The following ACTR3 variants were observed in gnomAD, a reference collection of about 807,000 sequenced individuals.
ACTR3 encodes the protein actin-related protein 3.
ACTR3 carries 12 observed loss-of-function variants against 56.8 expected under a neutral mutation model. The observed-to-expected ratio is 0.21, with a 90% confidence interval of 0.14 to 0.34. The LOEUF is 0.34. Ranked by LOEUF, ACTR3 falls within the 10% of genes least tolerant of loss-of-function variation. The probability of loss-of-function intolerance (pLI) is 1.00; values close to 1 mark genes in which losing one functional copy is unlikely to be tolerated. For missense variants in ACTR3, 282 were observed against 512.5 expected (o/e 0.55, Z 4.34); for synonymous variants, 162 against 167.4 (o/e 0.97, Z 0.25).
At chr2:113,955,969 A>G (rs1406716939) in intron 11 of ACTR3, among the ~76,000 whole-genome samples, 7 of 151,518 alleles carry the variant, frequency 4.6e-5, no homozygotes, top group African/African-American at 1.7e-4. Context: ...TTACTCTTGA[A>G]CTCCTGACCT....
intron 8 of ACTR3, among the ~76,000 whole-genome samples, chr2:113,943,075 T>C (rs184659215): frequency 2.6e-5 from 4 of 152,350 alleles, no homozygotes; most frequent in Admixed American, 2.0e-4. Context: ...TTTATCTTGC[T>C]CTTACTGAGC....
chr2:113,940,924 G>T (rs1324503067), intron 7 of ACTR3, among the ~76,000 whole-genome samples: 1 of 151,226 alleles, frequency 6.6e-6, no homozygotes, highest in Non-Finnish European at 1.5e-5. Context: ...GGGCTCACGT[G>T]ATCCTCCCGC....
At chr2:113,925,578 G>A (rs1679605127) in intron 3 of ACTR3, among the ~76,000 whole-genome samples, 3 of 152,150 alleles carry the variant, frequency 2.0e-5, no homozygotes, top group African/African-American at 7.2e-5. Context: ...TTTGTATGCT[G>A]GATGTCTGTG....
chr2:113,892,738 A>G (rs1378748709), intron 1 of ACTR3, among the ~76,000 whole-genome samples: 1 of 152,212 alleles, frequency 6.6e-6, no homozygotes, highest in Non-Finnish European at 1.5e-5. Context: ...AGGTCTCTAA[A>G]TTACAATTAC....
chr2:113,892,604 C>T (rs1437950991), intron 1 of ACTR3, among the ~76,000 whole-genome samples: 1 of 152,192 alleles, frequency 6.6e-6, no homozygotes, highest in East Asian at 1.9e-4. Context: ...CTGAGATAAA[C>T]ATCTCTAAGT....
chr2:113,957,495 G>T lies in ACTR3; in HGVS notation c.*40G>T. ...TTATTGGGGTTAGGGAGGTGGGGAA[G>T]AGATAATCTTTCTGATTACCTGTTT... On this transcript the variant is annotated 3_prime_UTR_variant, in exon 12 of 12. Coordinates refer to ENST00000263238, the MANE Select transcript of ACTR3 (RefSeq NM_005721.5). 1 of 1,531,428 alleles carries T rather than the reference G, an allele frequency of 6.5e-7. No homozygotes were observed. The allele number at this position is 1,531,428 out of a possible 1,614,324, so 94.9% of individuals were successfully genotyped here. A position where few individuals can be genotyped will look rare whatever the true frequency, so the allele number is the denominator to read the frequency against.
intron 1 of ACTR3, among the ~76,000 whole-genome samples, chr2:113,911,956 C>G (rs1226347217): frequency 1.3e-5 from 2 of 152,032 alleles, no homozygotes; most frequent in Non-Finnish European, 2.9e-5. Flanking sequence ...AGGCTGGTCT[C>G]GAACTCCTGT....
At chr2:113,926,349 C>T (rs753503696) in intron 3 of ACTR3, among the ~76,000 whole-genome samples, 15 of 152,318 alleles carry the variant, frequency 9.8e-5, no homozygotes, top group Non-Finnish European at 1.9e-4. Context: ...TTGAGTAACA[C>T]TATATTTCCC....
At chr2:113,907,141 TA>T (rs770376637) in intron 1 of ACTR3, among the ~76,000 whole-genome samples, 34 of 152,332 alleles carry the variant, frequency 2.2e-4, no homozygotes, top group South Asian at 8.3e-4. Flanking sequence ...AACTTATTTT[TA>T]AAGCTTATTA....
intron 1 of ACTR3, among the ~76,000 whole-genome samples, chr2:113,902,129 T>C (rs2104583976): frequency 6.6e-6 from 1 of 152,286 alleles, no homozygotes; most frequent in African/African-American, 2.4e-5. Context: ...TTGATGACTG[T>C]CCCCAAATCC....
At position 113,933,203 on chromosome 2, in the gene ACTR3, TGTTACCTTAAAAAAATTTGA is replaced by T. The variant is rs2104610979; in HGVS notation, c.433-1075_433-1056del. ...TGTATGTCATATAGTCCTAAACACA[TGTTACCTTAAAAAAATTTGA>T]AGGTAGGCCTGGCACAGTGGCTCAT... On this transcript the variant is annotated intron_variant, in intron 5 of 11. Transcript: ENST00000263238. Among the ~76,000 whole-genome samples, 2 of 152,210 alleles carry T rather than the reference TGTTACCTTAAAAAAATTTGA, an allele frequency of 1.3e-5. 1 individual carries two copies. Among genetic ancestry groups the T allele is most frequent in the South Asian group, 4.1e-4 (2 of 4,830 alleles).
intron 1 of ACTR3, among the ~76,000 whole-genome samples, chr2:113,893,515 A>G (rs918928256): frequency 1.3e-5 from 2 of 152,088 alleles, no homozygotes; most frequent in African/African-American, 2.4e-5. Context: ...GATGGTCTCC[A>G]TCTCCTGACC....
chr2:113,932,135 A>C (rs934334320), intron 5 of ACTR3, among the ~76,000 whole-genome samples: 5 of 152,188 alleles, frequency 3.3e-5, no homozygotes, highest in African/African-American at 7.2e-5. Flanking sequence ...TCCACGGTAC[A>C]CAGAATCAAT....
In ACTR3 at chr2:113,931,323, C is replaced by T. The variant is rs777756922; in HGVS notation, c.359C>T (p.Pro120Leu). The T allele has an allele frequency of 1.3e-6, 2 of 1,589,096 alleles. No individual in the cohort carries two copies. Among genetic ancestry groups the T allele is most frequent in the Non-Finnish European group, 8.6e-7 (1 of 1,167,524 alleles). The change falls in exon 5 of 12, where the codon CCA becomes CTA. Residue 120 changes from proline to leucine, a missense_variant. Physicochemically the swap from Pro to Leu is moderately conservative, Grantham distance 98 (BLOSUM62 -3). Transcript: ENST00000263238. Reference protein sequence around the residue: ...FLLTEPPLNTPENREYTAEIM... With the variant: ...FLLTEPPLNTLENREYTAEIM... ...TAGACTGAACCTCCATTGAATACTC[C>T]AGAAAACAGGGAATATACTGCTGAA...
At chr2:113,891,449 A>G (rs746683883) in intron 1 of ACTR3, among the ~76,000 whole-genome samples, 2 of 151,830 alleles carry the variant, frequency 1.3e-5, no homozygotes, top group African/African-American at 2.4e-5. Context: ...CACACTCATA[A>G]CTGCATAGAG....
At chr2:113,927,052 C>T (rs1013981948) in intron 3 of ACTR3, among the ~76,000 whole-genome samples, 2 of 152,124 alleles carry the variant, frequency 1.3e-5, no homozygotes, top group African/African-American at 4.8e-5. Flanking sequence ...TATTACAAAA[C>T]TTTTAAAATC....
chr2:113,929,462 A>T lies in ACTR3; in HGVS notation c.337-1839A>T, dbSNP rs189023426. 2.1e-3 allele frequency among the ~76,000 whole-genome samples: 321 copies of T among 152,222 alleles called. 2 individuals carry two copies. Among genetic ancestry groups the T allele is most frequent in the African/African-American group, 7.4e-3 (306 of 41,514 alleles). On this transcript the variant is annotated intron_variant, in intron 4 of 11. Coordinates refer to ENST00000263238, the MANE Select transcript of ACTR3 (RefSeq NM_005721.5). ...TTGGTTATAATAAAATAATTTGACCATTGTGAACCTTCTTCTACAAGACTT... is the reference window on the plus strand; with the variant it reads ...TTGGTTATAATAAAATAATTTGACCTTTGTGAACCTTCTTCTACAAGACTT...
intron 8 of ACTR3, chr2:113,950,772 A>G (rs1174420626): frequency 1.3e-5 from 2 of 152,214 alleles, no homozygotes; most frequent in East Asian, 1.9e-4. Context: ...AGCTATTTGT[A>G]TTAGTCCGTT....
chr2:113,947,467 C>T (rs1027675007), intron 8 of ACTR3, among the ~76,000 whole-genome samples: 1 of 152,136 alleles, frequency 6.6e-6, no homozygotes, highest in Non-Finnish European at 1.5e-5. Flanking sequence ...GCTTGGGCAA[C>T]ATGGGAAGAG....
Sources: allele counts gnomAD v4.1 joint callset (sites outside exome capture counted in the v4.1 genomes callset), GRCh38; gene constraint gnomAD v4.1.1; transcripts MANE v1.5; gene names NCBI Gene and HGNC (gene_info 2026-07-23, HGNC 2026-07-21).